PARVB: variants seen among roughly 807,000 people sequenced by gnomAD.
PARVB encodes the protein parvin beta, also known as beta-parvin.
In PARVB, 46 loss-of-function variants were observed where a neutral mutation model predicts 47.0. The observed-to-expected ratio is 0.98, with a 90% CI of 0.77 to 1.25. The LOEUF is 1.25. Ranked by LOEUF, PARVB falls within the 50% of genes most tolerant of loss-of-function variation. The probability of loss-of-function intolerance (pLI) is 0.00; values close to 1 mark genes in which losing one functional copy is unlikely to be tolerated. For missense variants in PARVB, 473 were observed against 471.6 expected, an observed-to-expected ratio of 1.00 and a Z score of -0.03; for synonymous variants, 196 against 196.3, an observed-to-expected ratio of 1.00 and a Z score of 0.01.
chr22:44,055,235 C>T (rs1380162336), intron 1 of PARVB, among the ~76,000 whole-genome samples: 3 of 152,166 alleles, frequency 2.0e-5, no homozygotes, highest in African/African-American at 7.2e-5. Context: ...GTGCGCCTCC[C>T]TCCCCACCAG....
At chr22:44,040,124 A>T (rs890558970) in intron 1 of PARVB, among the ~76,000 whole-genome samples, 1 of 152,174 alleles carries the variant, frequency 6.6e-6, no homozygotes, top group African/African-American at 2.4e-5. Flanking sequence ...GTGGTTTGAG[A>T]TACGCAGGTG....
At chr22:44,020,296 C>T (rs2146868094), upstream of PARVB, among the ~76,000 whole-genome samples, 2 of 152,112 alleles carry the variant, frequency 1.3e-5, no homozygotes, top group Middle Eastern at 6.8e-3. Flanking sequence ...CCTAGCTCAG[C>T]CTCCTGAGTA....
Position 44,127,305 on chromosome 22 carries a change from AAC to A in PARVB, c.377-4178_377-4177del, listed in dbSNP as rs533535833. On this transcript the variant is annotated intron_variant, in intron 4 of 12. Transcript: ENST00000338758. The stretch of plus-strand genomic sequence containing the variant: ...CAGTGGACTAGAATATTCAGATAGT[AAC>A]ACAGCATCAGAATGTCTTGCCTCAT... Among the ~76,000 whole-genome samples the A allele has an allele frequency of 4.0e-4, 61 of 152,270 alleles. No homozygotes were observed. The South Asian group carries it at 5.8e-3, about 14-fold the overall frequency.
At chr22:44,110,108 G>A (rs1278917784) in intron 3 of PARVB, 25 of 73,422 alleles carry the variant, frequency 3.4e-4, no homozygotes, top group Non-Finnish European at 4.9e-4. Flanking sequence ...GCGAGACTCC[G>A]TCTCAAAAAA....
At chr22:44,132,857 T>C in intron 5 of PARVB, 37 bp from the exon 6 acceptor site, 1 of 1,448,904 alleles carries the variant, frequency 6.9e-7, no homozygotes, top group Non-Finnish European at 9.7e-7. Flanking sequence ...CTGTGTAACC[T>C]GATCTAAAGC....
At chr22:44,012,160 A>G (rs1194440585) in intron 2 of PARVB, among the ~76,000 whole-genome samples, 2 of 152,230 alleles carry the variant, frequency 1.3e-5, no homozygotes, top group Admixed American at 1.3e-4. Context: ...CTAGGAACCA[A>G]TAACTTGGTA....
At chr22:44,022,091 A>C (rs560085970), upstream of PARVB, among the ~76,000 whole-genome samples, 2 of 152,196 alleles carry the variant, frequency 1.3e-5, no homozygotes, top group African/African-American at 4.8e-5. Context: ...GATCATCTGC[A>C]AAGACCCTTG....
intron 1 of PARVB, among the ~76,000 whole-genome samples, chr22:44,027,551 CTT>C (rs1432334154): frequency 6.6e-6 from 1 of 152,198 alleles, no homozygotes; most frequent in African/African-American, 2.4e-5. Context: ...TTCTGTCCCT[CTT>C]TTCTGAGCAA....
At chr22:44,074,539 G>A (rs895344556) in intron 1 of PARVB, among the ~76,000 whole-genome samples, 8 of 152,332 alleles carry the variant, frequency 5.3e-5, no homozygotes, top group Non-Finnish European at 8.8e-5. Flanking sequence ...AACCCTAGGT[G>A]GGAGGCCAGG....
At chr22:43,999,529 T>C in intron 1 of PARVB, 1 of 1,572,120 alleles carries the variant, frequency 6.4e-7, no homozygotes, top group Non-Finnish European at 8.8e-7. Flanking sequence ...CATTCCTACC[T>C]GCAGCAGGAG....
chr22:44,059,487 G>A (rs1469029947), intron 1 of PARVB, among the ~76,000 whole-genome samples: 1 of 152,228 alleles, frequency 6.6e-6, no homozygotes, highest in Non-Finnish European at 1.5e-5. Context: ...CTTTTAGGTT[G>A]ACTTCTGCTG....
intron 4 of PARVB, among the ~76,000 whole-genome samples, chr22:44,126,363 G>A (rs1247194587): frequency 6.6e-6 from 1 of 152,160 alleles, no homozygotes; most frequent in Non-Finnish European, 1.5e-5. Flanking sequence ...AAAAACGTTA[G>A]TGGCCAAAGT....
chr22:44,033,582 C>T (rs2050862458), intron 1 of PARVB, among the ~76,000 whole-genome samples: 1 of 152,214 alleles, frequency 6.6e-6, no homozygotes, highest in South Asian at 2.1e-4. Context: ...AGCTTTGCCA[C>T]TTGAAGTGAT....
chr22:44,140,804 G>A (rs2053536555), intron 8 of PARVB: 1 of 294,022 alleles, frequency 3.4e-6, no homozygotes, highest in Non-Finnish European at 7.0e-6. Context: ...GGTTTTCAGT[G>A]GCTCTTCCCA....
chr22:44,170,152 C>G lies in PARVB; in HGVS notation c.*1474C>G, dbSNP rs951038828. The G allele has an allele frequency of 6.6e-6, 1 of 151,732 alleles. No individual in the cohort carries two copies. Among genetic ancestry groups the G allele is most frequent in the African/African-American group, 2.4e-5 (1 of 41,214 alleles). The allele number at this position is 151,732 out of a possible 1,614,324, so 9.4% of individuals were successfully genotyped here. On this transcript the variant is annotated 3_prime_UTR_variant, in exon 13 of 13. Transcript: ENST00000338758. ...AGTAGCGGGGACCACAAGTGCACACCACTAGGCCCATCTAATTTTTGTATT... is the reference window on the plus strand; with the variant it reads ...AGTAGCGGGGACCACAAGTGCACACGACTAGGCCCATCTAATTTTTGTATT...
At chr22:44,023,054 C>T (rs1464668243), upstream of PARVB, among the ~76,000 whole-genome samples, 2 of 152,114 alleles carry the variant, frequency 1.3e-5, no homozygotes, top group African/African-American at 4.8e-5. Flanking sequence ...GCCTACTCCT[C>T]CTACTTCTTC....
intron 9 of PARVB, chr22:44,148,577 C>G (rs185709301): frequency 6.3e-6 from 1 of 158,368 alleles, no homozygotes; most frequent in Non-Finnish European, 1.4e-5. Context: ...ATCGGAGGAG[C>G]GCTCATTTCA....
intron 1 of PARVB, among the ~76,000 whole-genome samples, chr22:44,051,940 T>C (rs893776919): frequency 2.0e-5 from 3 of 151,828 alleles, no homozygotes; most frequent in Non-Finnish European, 4.4e-5. Context: ...CAAGCCAAGA[T>C]GCACCGAGGA....
At chr22:44,096,141 C>T (rs1164007316) in intron 2 of PARVB, among the ~76,000 whole-genome samples, 1 of 152,226 alleles carries the variant, frequency 6.6e-6, no homozygotes, top group Non-Finnish European at 1.5e-5. Context: ...AGGAGAATCG[C>T]TTGAATCCAG....
Sources: allele counts gnomAD v4.1 joint callset (sites outside exome capture counted in the v4.1 genomes callset), GRCh38; gene constraint gnomAD v4.1.1; transcripts MANE v1.5; gene names NCBI Gene and HGNC (gene_info 2026-07-23, HGNC 2026-07-21).